Variants in LGR5 observed in about 807,000 individuals in gnomAD.
The protein encoded by LGR5 is leucine rich repeat containing G protein-coupled receptor 5, also known as leucine-rich repeat-containing G protein-coupled receptor 5.
A neutral mutation model predicts 76.7 loss-of-function variants in LGR5; 54 were observed. That is an observed-to-expected ratio of 0.70 (90% CI 0.57 to 0.88). The LOEUF (loss-of-function observed/expected upper bound fraction) is 0.88. LGR5 is among the 40% of genes least tolerant of loss of function. The probability of loss-of-function intolerance (pLI) is 0.00; values close to 1 mark genes in which losing one functional copy is unlikely to be tolerated. For missense variants in LGR5, 1,078 were observed against 1,073.3 expected, an observed-to-expected ratio of 1.00 and a Z score of -0.06; for synonymous variants, 406 against 421.9, an observed-to-expected ratio of 0.96 and a Z score of 0.46.
rs913123693 is a variant in LGR5, at chr12:71,585,221, T to C, written c.*487T>C. 8 of 156,080 alleles carry C rather than the reference T, an allele frequency of 5.1e-5. No individual in the cohort carries two copies. In the South Asian group the frequency reaches 1.4e-3, roughly 27 times the overall value. 9.7% of individuals were successfully genotyped at this position (156,080 alleles called of 1,614,324 possible). A position where few individuals can be genotyped will look rare whatever the true frequency, so the allele number is the denominator to read the frequency against. On this transcript the variant is annotated 3_prime_UTR_variant, in exon 18 of 18. Transcript: ENST00000266674. The stretch of plus-strand genomic sequence containing the variant: ...CCATGGGATTTCATTCTAATGACCA[T>C]GTGAAGATGTTTGAGTCCTCCTTTG...
chr12:71,567,202 T>C, intron 11 of LGR5: 1 of 377,360 alleles, frequency 2.6e-6, no homozygotes, highest in Non-Finnish European at 5.0e-6. Context: ...ATCACTTTAT[T>C]TCCCCCTCTA....
Position 71,563,137 on chromosome 12 carries a change from A to C in LGR5, c.857+1285A>C, listed in dbSNP as rs539852797. 7.2e-4 allele frequency among the ~76,000 whole-genome samples: 109 copies of C among 152,092 alleles called. No individual in the cohort carries two copies. In the Middle Eastern group the frequency reaches 0.01, roughly 14 times the overall value. On this transcript the variant is annotated intron_variant, in intron 8 of 17. Transcript: ENST00000266674. ...AACTAGCGGCGCCAACCCCAACTCT[A>C]TATATATTAGACCTCCTATCCACTA...
chr12:71,561,054 C>T (rs879387765), intron 7 of LGR5, among the ~76,000 whole-genome samples: 2 of 152,098 alleles, frequency 1.3e-5, no homozygotes, highest in Non-Finnish European at 2.9e-5. Context: ...AAACACTGAA[C>T]CTCATTCCCC....
chr12:71,526,843 G>A (rs1876031714), intron 3 of LGR5, among the ~76,000 whole-genome samples: 1 of 152,118 alleles, frequency 6.6e-6, no homozygotes, highest in Admixed American at 6.5e-5. Context: ...AGCACAACTA[G>A]GAATTAGCCA....
At chr12:71,500,496 G>A (rs1482898374) in intron 1 of LGR5, among the ~76,000 whole-genome samples, 2 of 152,100 alleles carry the variant, frequency 1.3e-5, no homozygotes, top group Non-Finnish European at 2.9e-5. Flanking sequence ...GAAGTACAGT[G>A]GTGTGACCAT....
chr12:71,479,569 G>A (rs1224860891), intron 1 of LGR5, among the ~76,000 whole-genome samples: 1 of 152,128 alleles, frequency 6.6e-6, no homozygotes, highest in African/African-American at 2.4e-5. Context: ...GGGAGGCAGG[G>A]AGAGGCAGGA....
rs1172252049 is a variant in LGR5, at chr12:71,583,497, A to C, written c.1637-150A>C. The C allele has an allele frequency of 4.8e-6, 4 of 841,854 alleles. No individual in the cohort carries two copies. The South Asian group carries it at 6.9e-5, about 15-fold the overall frequency. The allele number at this position is 841,854 out of a possible 1,614,324, so 52.1% of individuals were successfully genotyped here. A position where few individuals can be genotyped will look rare whatever the true frequency, so the allele number is the denominator to read the frequency against. On this transcript the variant is annotated intron_variant, in intron 17 of 17. Coordinates refer to ENST00000266674, the MANE Select transcript of LGR5 (RefSeq NM_003667.4). Reference sequence around the variant, plus strand: ...AGATCCAGGGTGACAGTGGCTTGAGATAGTGGAGCATGCACATGGGCACTG... The same window carrying C: ...AGATCCAGGGTGACAGTGGCTTGAGCTAGTGGAGCATGCACATGGGCACTG...
chr12:71,561,798 A>G lies in LGR5; in HGVS notation c.803A>G (p.Asn268Ser), dbSNP rs1449745879. Residue 268 changes from asparagine (N) to serine (S), a missense_variant, in exon 8 of 18, where the codon AAT becomes AGT. Coordinates refer to ENST00000266674, the MANE Select transcript of LGR5 (RefSeq NM_003667.4). Reference protein sequence around the residue: ...NLKELGFHSNNIRSIPEKAFV... With the variant: ...NLKELGFHSNSIRSIPEKAFV... Reference sequence around the variant, plus strand: ...CTTTCTAGAGGATTTCATAGCAACAATATCAGGTCGATACCTGAGAAAGCA... The same window carrying G: ...CTTTCTAGAGGATTTCATAGCAACAGTATCAGGTCGATACCTGAGAAAGCA... 3.7e-6 allele frequency: 6 copies of G among 1,601,716 alleles called. No individual in the cohort carries two copies. The Admixed American group carries it at 6.7e-5, about 18-fold the overall frequency.
At chr12:71,530,822 G>A (rs945196434) in intron 3 of LGR5, among the ~76,000 whole-genome samples, 1 of 152,092 alleles carries the variant, frequency 6.6e-6, no homozygotes, top group Non-Finnish European at 1.5e-5. Context: ...GAATTCCCCT[G>A]TTCTCATGTA....
At chr12:71,474,890 G>T (rs1353451847) in intron 1 of LGR5, among the ~76,000 whole-genome samples, 1 of 152,150 alleles carries the variant, frequency 6.6e-6, no homozygotes, top group Non-Finnish European at 1.5e-5. Context: ...CTTTAATGTT[G>T]GCCAAGGGAG....
chr12:71,479,380 G>A (rs1025343197), intron 1 of LGR5, among the ~76,000 whole-genome samples: 1 of 152,184 alleles, frequency 6.6e-6, no homozygotes, highest in Non-Finnish European at 1.5e-5. Context: ...GCCAGAGGAT[G>A]CAGCATTTAT....
At chr12:71,515,249 C>T (rs1419947868) in intron 2 of LGR5, among the ~76,000 whole-genome samples, 2 of 152,092 alleles carry the variant, frequency 1.3e-5, no homozygotes, top group Non-Finnish European at 2.9e-5. Context: ...GCCCTAAAAG[C>T]AACAAAAGCA....
intron 1 of LGR5, among the ~76,000 whole-genome samples, chr12:71,486,691 T>A (rs543667649): frequency 6.6e-6 from 1 of 152,348 alleles, no homozygotes; most frequent in African/African-American, 2.4e-5. Context: ...CCCGTTTATT[T>A]TGGAGTGCCA....
chr12:71,459,020 T>C (rs1276144082), intron 1 of LGR5, among the ~76,000 whole-genome samples: 1 of 151,894 alleles, frequency 6.6e-6, no homozygotes, highest in African/African-American at 2.4e-5. Flanking sequence ...TTCTAGACTT[T>C]CCCATTTAAG....
intron 1 of LGR5, among the ~76,000 whole-genome samples, chr12:71,472,396 A>G (rs1216694641): frequency 6.6e-6 from 1 of 152,202 alleles, no homozygotes; most frequent in Non-Finnish European, 1.5e-5. Context: ...CATGCCTCAT[A>G]CATGGCAGAA....
At chr12:71,490,368 T>C (rs941106960) in intron 1 of LGR5, among the ~76,000 whole-genome samples, 1 of 152,212 alleles carries the variant, frequency 6.6e-6, no homozygotes, top group Non-Finnish European at 1.5e-5. Context: ...TCTAATAGAA[T>C]CTCCCATAAA....
chr12:71,579,772 A>G (rs1034204105), intron 15 of LGR5, among the ~76,000 whole-genome samples: 14 of 152,082 alleles, frequency 9.2e-5, no homozygotes, highest in African/African-American at 3.1e-4. Context: ...AACCATCCCC[A>G]CTTCCCCCCA....
At position 71,535,165 on chromosome 12, in the gene LGR5, A is replaced by G. The variant is rs755979830; in HGVS notation, c.407A>G (p.Asn136Ser). Reference sequence around the variant, plus strand: ...CACGTACCCACAGAAGCTCTGCAGAATTTGCGAAGCCTTCAATCCCTGTAA... The same window carrying G: ...CACGTACCCACAGAAGCTCTGCAGAGTTTGCGAAGCCTTCAATCCCTGTAA... ...LRHVPTEALQNLRSLQSLRLD... is the reference protein window; with the variant it reads ...LRHVPTEALQSLRSLQSLRLD... Residue 136 changes from asparagine (N) to serine (S), a missense_variant, in exon 4 of 18, where the codon AAT becomes AGT. Physicochemically the swap from Asn to Ser is conservative, Grantham distance 46. Transcript: ENST00000266674. 1 of 1,610,848 alleles carries G rather than the reference A, an allele frequency of 6.2e-7. No individual in the cohort carries two copies. The highest frequency in any genetic ancestry group is 8.5e-7 in the Non-Finnish European group (1 of 1,177,368).
At position 71,580,383 on chromosome 12, in the gene LGR5, C is replaced by A. The variant is rs765254301; in HGVS notation, c.1512C>A (p.Asp504Glu). The A allele has an allele frequency of 5.0e-6, 8 of 1,613,564 alleles. No homozygotes were observed. Among genetic ancestry groups the A allele is most frequent in the Non-Finnish European group, 6.8e-6 (8 of 1,179,820 alleles). Residue 504 changes from aspartate to glutamate, a missense_variant, in exon 16 of 18, where the codon GAC (aspartate) becomes GAA (glutamate). Physicochemically the swap from Asp to Glu is conservative, Grantham distance 45. Coordinates refer to ENST00000266674, the MANE Select transcript of LGR5 (RefSeq NM_003667.4). ...QWNKGDNSSMDDLHKKDAGMF... is the reference protein window; with the variant it reads ...QWNKGDNSSMEDLHKKDAGMF... Reference sequence around the variant, plus strand: ...ATAAAGGTGACAACAGCAGTATGGACGACCTTCATAAGAAAGATGCTGGAA... The same window carrying A: ...ATAAAGGTGACAACAGCAGTATGGAAGACCTTCATAAGAAAGATGCTGGAA...
Sources: allele counts gnomAD v4.1 joint callset (sites outside exome capture counted in the v4.1 genomes callset), GRCh38; gene constraint gnomAD v4.1.1; transcripts MANE v1.5; gene names NCBI Gene and HGNC (gene_info 2026-07-23, HGNC 2026-07-21).